ZNF425: variants seen among roughly 807,000 people sequenced by gnomAD.
ZNF425 encodes zinc finger protein 425.
In ZNF425, 21 loss-of-function variants were observed where a neutral mutation model predicts 17.0. That is an observed-to-expected ratio of 1.23 (90% confidence interval 0.88 to 1.78). The LOEUF (loss-of-function observed/expected upper bound fraction) is 1.78. ZNF425 is among the 40% of genes most tolerant of loss of function. The pLI, the probability that ZNF425 is intolerant of heterozygous loss-of-function variation, is 0.00. For missense variants in ZNF425, 868 were observed against 967.3 expected (o/e 0.90, Z 1.36); for synonymous variants, 433 against 384.1 (o/e 1.13, Z -1.49).
intron 3 of ZNF425, among the ~76,000 whole-genome samples, chr7:149,111,239 G>A (rs568262711): frequency 4.6e-5 from 7 of 151,302 alleles, no homozygotes; most frequent in Non-Finnish European, 7.4e-5. Context: ...ACTTGAGGTC[G>A]GGAGTTTGAG....
intron 1 of ZNF425, among the ~76,000 whole-genome samples, chr7:149,119,105 G>C (rs1391802634): frequency 7.1e-6 from 1 of 140,822 alleles, no homozygotes; most frequent in Non-Finnish European, 1.5e-5. Context: ...TTTGAAACCA[G>C]CCTAGATTTT....
rs371303812 is a variant in ZNF425, at chr7:149,104,280, A to G, written c.1591T>C (p.Cys531Arg). 1.9e-6 allele frequency: 3 copies of G among 1,613,560 alleles called. No individual in the cohort carries two copies. The highest frequency in any genetic ancestry group is 2.5e-6 in the Non-Finnish European group (3 of 1,180,032). Residue 531 changes from cysteine (C) to arginine (R), a missense_variant, in exon 4 of 4, where the codon TGC (cysteine) becomes CGC (arginine). Transcript: ENST00000378061. The surrounding 1 kb of genome is among the most constrained non-coding windows in gnomAD (Gnocchi z 4.3). ...TTEKPFSCAE[C>R]GRSFRRRAHL... ...GCGCGTCGGCGGAAACTGCGGCCGC[A>G]CTCGGCGCAGGAGAACGGCTTTTCC...
At position 149,103,676 on chromosome 7, in the gene ZNF425, G is replaced by T; in HGVS notation, c.2195C>A (p.Thr732Lys). 1.9e-6 allele frequency: 3 copies of T among 1,614,084 alleles called. No individual in the cohort carries two copies. The highest frequency in any genetic ancestry group is 2.5e-6 in the Non-Finnish European group (3 of 1,180,020). Residue 732 changes from threonine to lysine, a missense_variant, in exon 4 of 4, where the codon ACG (threonine) becomes AAG (lysine). Around this residue, in one of 5 missense-constraint regions of ZNF425, gnomAD observed 437 missense variants for 444.2 expected, o/e 0.98. Transcript: ENST00000378061. ...FSCDECGRSFTYVGALKTHIA... is the reference protein window; with the variant it reads ...FSCDECGRSFKYVGALKTHIA... ...GTGGGTCTTGAGCGCCCCCACGTAC[G>T]TGAAGCTCCTTCCACACTCATCACA...
At chr7:149,115,967 C>T (rs1826260668) in intron 2 of ZNF425, among the ~76,000 whole-genome samples, 1 of 152,170 alleles carries the variant, frequency 6.6e-6, no homozygotes, top group African/African-American at 2.4e-5. Context: ...GCAGGTAATA[C>T]CATTTGATTT....
At position 149,104,221 on chromosome 7, in the gene ZNF425, G is replaced by C; in HGVS notation, c.1650C>G (p.Gly550=). The C allele has an allele frequency of 6.2e-7, 1 of 1,612,266 alleles. No homozygotes were observed. The highest frequency in any genetic ancestry group is 1.1e-5 in the South Asian group (1 of 90,942). The part of the protein sequence containing the change: ...HLTEHTRLHS[G]EEPFQCPECD... ...ACTCGGGACACTGGAAGGGCTCCTC[G>C]CCACTGTGAAGCCTCGTGTGCTCTG... Residue 550 remains glycine (G), a synonymous_variant, in exon 4 of 4, where the codon GGC becomes GGG. Coordinates refer to ENST00000378061, the MANE Select transcript of ZNF425 (RefSeq NM_001001661.3). This position sits in a 1 kb window ranked among gnomAD's most constrained non-coding sequence, Gnocchi z 4.3.
intron 2 of ZNF425, among the ~76,000 whole-genome samples, chr7:149,114,931 C>CT (rs35954198): frequency 0.016 from 1,597 of 101,018 alleles, 52 homozygotes; most frequent in Middle Eastern, 0.036. Flanking sequence ...TCTTTCTTTT[C>CT]TTTTTTTTTT....
intron 1 of ZNF425, among the ~76,000 whole-genome samples, chr7:149,121,552 C>T (rs745602621): frequency 2.0e-5 from 3 of 151,890 alleles, no homozygotes; most frequent in African/African-American, 4.8e-5. Flanking sequence ...CCACCATGCC[C>T]GGATAATTTT....
At chr7:149,121,939 G>A (rs927962457) in intron 1 of ZNF425, among the ~76,000 whole-genome samples, 3 of 151,782 alleles carry the variant, frequency 2.0e-5, no homozygotes, top group African/African-American at 4.8e-5. Flanking sequence ...TTTTTGAGAC[G>A]GAGTCTCGCT....
intron 3 of ZNF425, among the ~76,000 whole-genome samples, chr7:149,110,971 T>G (rs1826165599): frequency 6.6e-6 from 1 of 151,652 alleles, no homozygotes; most frequent in African/African-American, 2.4e-5. Context: ...ATTTTTGTAT[T>G]TTTAGTAGAG....
chr7:149,121,482 C>G (rs780714970), intron 1 of ZNF425, among the ~76,000 whole-genome samples: 7 of 150,746 alleles, frequency 4.6e-5, no homozygotes, highest in Non-Finnish European at 8.9e-5. Context: ...ACCTCCGCCT[C>G]CCGGGATCAA....
chr7:149,103,759 G>A lies in ZNF425; in HGVS notation c.2112C>T (p.Leu704=). ...FQCPECGKGF[L]QKRSLKAHLC... ...GATGGGCCTTCAGGCTTCTCTTCTG[G>A]AGGAAGCCTTTGCCACACTCGGGAC... The change falls in exon 4 of 4, where the codon CTC becomes CTT. Residue 704 remains leucine, a synonymous_variant. Coordinates refer to ENST00000378061, the MANE Select transcript of ZNF425 (RefSeq NM_001001661.3). 1 of 1,614,172 alleles carries A rather than the reference G, an allele frequency of 6.2e-7. No homozygotes were observed. The highest frequency in any genetic ancestry group is 1.1e-5 in the South Asian group (1 of 91,086).
chr7:149,103,546 A>G lies in ZNF425; in HGVS notation c.*66T>C. On this transcript the variant is annotated 3_prime_UTR_variant, in exon 4 of 4. Transcript: ENST00000378061. ...CCCTGTGAATCCTTCAACCTGCCTC[A>G]ACTTGAGCCAACAGAGCTGCTGGCA... 6.6e-7 allele frequency: 1 copy of G among 1,517,006 alleles called. No homozygotes were observed. The highest frequency in any genetic ancestry group is 2.3e-5 in the East Asian group (1 of 44,166). 94.0% of individuals were successfully genotyped at this position (1,517,006 alleles called of 1,614,324 possible). A position where few individuals can be genotyped will look rare whatever the true frequency, so the allele number is the denominator to read the frequency against.
At chr7:149,117,391 C>T (rs777496025) in intron 2 of ZNF425, among the ~76,000 whole-genome samples, 4 of 152,030 alleles carry the variant, frequency 2.6e-5, no homozygotes, top group Non-Finnish European at 5.9e-5. Context: ...ACCTAAGTGT[C>T]CCATCCCACT....
Position 149,105,556 on chromosome 7 carries a change from T to A in ZNF425, c.315A>T (p.Gly105=), listed in dbSNP as rs117085847. ...TGKLLCFDDE[G]TPRTKEEDCR... ...AATCCTCTTCTTTTGTCCTGGGAGT[T>A]CCTTCGTCATCTGGAGCAGAAAGAA... is the stretch of plus-strand genomic sequence containing the variant. The change falls in exon 4 of 4, where the codon GGA becomes GGT. Residue 105 remains glycine, a synonymous_variant. Transcript: ENST00000378061. 9.9e-4 allele frequency: 1,490 copies of A among 1,508,252 alleles called. 22 individuals are homozygous for A. In the East Asian group the frequency reaches 0.03, roughly 30 times the overall value. 93.4% of individuals were successfully genotyped at this position (1,508,252 alleles called of 1,614,324 possible). A position where few individuals can be genotyped will look rare whatever the true frequency, so the allele number is the denominator to read the frequency against.
rs570776446 is a variant in ZNF425 at position 149,103,375 on chromosome 7, G to T, written c.*237C>A. On this transcript the variant is annotated 3_prime_UTR_variant, in exon 4 of 4. Transcript: ENST00000378061. ...TGGGACCACAAGCATGCACCACAAC[G>T]CCTGGCTGACTTTTATATTTTTTGT... is the stretch of plus-strand genomic sequence containing the variant. The T allele has an allele frequency of 4.0e-6, 2 of 496,014 alleles. No individual in the cohort carries two copies. Among genetic ancestry groups the T allele is most frequent in the African/African-American group, 2.0e-5 (1 of 51,140 alleles). 30.7% of individuals were successfully genotyped at this position (496,014 alleles called of 1,614,324 possible).
chr7:149,108,417 A>T (rs897851560), intron 3 of ZNF425, among the ~76,000 whole-genome samples: 6 of 152,212 alleles, frequency 3.9e-5, no homozygotes, highest in Non-Finnish European at 7.3e-5. Flanking sequence ...TTGTGATGAA[A>T]GTATATTTAC....
intron 1 of ZNF425, chr7:149,125,731 G>GC (rs1826454207): frequency 4.6e-6 from 1 of 218,830 alleles, no homozygotes; most frequent in African/African-American, 2.4e-5. Context: ...GAGGGCAGTG[G>GC]CTATTCACAG....
At chr7:149,112,878 T>C (rs1229497657) in intron 2 of ZNF425, among the ~76,000 whole-genome samples, 1 of 151,738 alleles carries the variant, frequency 6.6e-6, no homozygotes, top group Non-Finnish European at 1.5e-5. Flanking sequence ...TTGCCCAGGC[T>C]GGTCTCAAAC....
At chr7:149,122,815 C>A (rs537501017) in intron 1 of ZNF425, among the ~76,000 whole-genome samples, 2 of 152,258 alleles carry the variant, frequency 1.3e-5, no homozygotes, top group Non-Finnish European at 2.9e-5. Flanking sequence ...CCTGCCTCAG[C>A]CTCCTGAGTA....
Sources: gnomAD v4.1 joint callset for allele counts (sites outside exome capture counted in the v4.1 genomes callset) on GRCh38, gnomAD v4.1.1 for gene constraint, gnomAD v4.1.1 regional missense constraint, Gnocchi (gnomAD v3.1) non-coding constraint, MANE v1.5 for transcripts, NCBI Gene and HGNC (gene_info 2026-07-23, HGNC 2026-07-21) for gene names.